Variants in ADGRB3 observed in about 807,000 individuals in gnomAD.
The protein encoded by ADGRB3 is adhesion G protein-coupled receptor B3, also known as brain-specific angiogenesis inhibitor 3.
ADGRB3 carries 37 observed loss-of-function variants against 193.4 expected under a neutral mutation model. The ratio of observed to expected loss-of-function variants is 0.19; its 90% CI spans 0.15 to 0.25. The LOEUF is 0.25. Among genes scored for constraint, ADGRB3 ranks in the 10% least tolerant of loss-of-function variants. ADGRB3 has a pLI of 1.00. For synonymous variants in ADGRB3, 690 were observed against 644.2 expected (o/e 1.07, Z -1.08); for missense variants, 1,637 against 1,852.9 (o/e 0.88, Z 2.14).
chr6:68,888,238 A>C (rs1022769940), intron 3 of ADGRB3, among the ~76,000 whole-genome samples: 2 of 152,140 alleles, frequency 1.3e-5, no homozygotes, highest in African/African-American at 2.4e-5. Flanking sequence ...CACCATTCCC[A>C]AATGTCTACA....
intron 26 of ADGRB3, among the ~76,000 whole-genome samples, chr6:69,348,684 G>A (rs1315224595): frequency 6.6e-6 from 1 of 151,748 alleles, no homozygotes; most frequent in Non-Finnish European, 1.5e-5. Context: ...AGAAGAGTAG[G>A]TGGACACAGA....
intron 17 of ADGRB3, among the ~76,000 whole-genome samples, chr6:69,086,746 G>C (rs151245935): frequency 3.3e-5 from 5 of 152,098 alleles, no homozygotes; most frequent in Non-Finnish European, 7.4e-5. Context: ...ATTGGTTATT[G>C]ATTAGACATA....
In ADGRB3 at chr6:69,360,948, A is replaced by T. The variant is rs772061408; in HGVS notation, c.3675A>T (p.Glu1225Asp). 1.6e-5 allele frequency: 25 copies of T among 1,612,446 alleles called. No homozygotes were observed. In the African/African-American group the frequency reaches 3.3e-4, roughly 22 times the overall value. The change falls in exon 29 of 32, where the codon GAA becomes GAT. Residue 1225 changes from glutamate to aspartate, a missense_variant. Physicochemically the swap from Glu to Asp is conservative, Grantham distance 45 (BLOSUM62 2). Transcript: ENST00000370598. The part of the protein sequence containing the change: ...TLSRISLNDD[E>D]EEKGTNPEGL... ...CTAGGATTTCTCTAAATGATGATGA[A>T]GAAGAAAAGGGAACAAACCCTGAAG...
chr6:69,256,859 T>C (rs942072628), intron 20 of ADGRB3, among the ~76,000 whole-genome samples: 1 of 152,228 alleles, frequency 6.6e-6, no homozygotes, highest in African/African-American at 2.4e-5. Context: ...ATAGCTGTTA[T>C]TATTTTGAGA....
chr6:69,307,518 C>A (rs1388663657), intron 20 of ADGRB3, among the ~76,000 whole-genome samples: 1 of 151,556 alleles, frequency 6.6e-6, no homozygotes, highest in East Asian at 1.9e-4. Context: ...ATAAGCATAG[C>A]TCCTATATTT....
At chr6:68,914,405 A>G (rs962100088) in intron 3 of ADGRB3, among the ~76,000 whole-genome samples, 1 of 152,152 alleles carries the variant, frequency 6.6e-6, no homozygotes, top group African/African-American at 2.4e-5. Context: ...TCTTAAAGAA[A>G]AGAATTTTCA....
intron 3 of ADGRB3, among the ~76,000 whole-genome samples, chr6:68,692,951 T>A (rs1375294239): frequency 6.6e-6 from 1 of 151,136 alleles, no homozygotes; most frequent in Admixed American, 6.6e-5. Flanking sequence ...TATGGTATTG[T>A]AACTATTATG....
At position 68,890,923 on chromosome 6, in the gene ADGRB3, G is replaced by A. The variant is rs114832838; in HGVS notation, c.758-39636G>A. On this transcript the variant is annotated intron_variant, in intron 3 of 31. Transcript: ENST00000370598. Reference sequence around the variant, plus strand: ...TAACTTGAGGATGGAAATGCATGGGGCAGCTTTTTGGAATAGCAAATGAAC... The same window carrying A: ...TAACTTGAGGATGGAAATGCATGGGACAGCTTTTTGGAATAGCAAATGAAC... Among the ~76,000 whole-genome samples the A allele has an allele frequency of 2.9e-3, 439 of 152,302 alleles. 4 individuals carry two copies. Among genetic ancestry groups the A allele is most frequent in the African/African-American group, 9.1e-3 (377 of 41,576 alleles).
At chr6:68,844,953 T>C (rs1366912649) in intron 3 of ADGRB3, among the ~76,000 whole-genome samples, 1 of 152,060 alleles carries the variant, frequency 6.6e-6, no homozygotes, top group Non-Finnish European at 1.5e-5. Context: ...AGTAGAATTA[T>C]GGTTACCAGA....
intron 20 of ADGRB3, among the ~76,000 whole-genome samples, chr6:69,315,556 G>T (rs1768292947): frequency 6.6e-6 from 1 of 151,282 alleles, no homozygotes; most frequent in South Asian, 2.1e-4. Context: ...AAGAACTGTG[G>T]TCTTCTGAAT....
chr6:69,178,379 G>A (rs1007456565), intron 17 of ADGRB3, among the ~76,000 whole-genome samples: 1 of 151,950 alleles, frequency 6.6e-6, no homozygotes, highest in African/African-American at 2.4e-5. Context: ...ATGGTTCTTG[G>A]TTTTTTTGTT....
At chr6:69,230,750 C>G (rs1472074513) in intron 17 of ADGRB3, among the ~76,000 whole-genome samples, 8 of 152,082 alleles carry the variant, frequency 5.3e-5, no homozygotes, top group Non-Finnish European at 1.2e-4. Context: ...TGGTGGTTAC[C>G]CACCCCCCTC....
intron 3 of ADGRB3, among the ~76,000 whole-genome samples, chr6:68,749,408 ATGTGTGTGTGTGTGTGTG>A (rs60078030): frequency 7.3e-6 from 1 of 136,490 alleles, no homozygotes. Flanking sequence ...ATATATATAT[ATGTGTGTGTGTGTGTGTG>A]TGTGTGTGTG....
chr6:69,238,807 T>G (rs1435137626), intron 19 of ADGRB3, among the ~76,000 whole-genome samples: 1 of 151,784 alleles, frequency 6.6e-6, no homozygotes, highest in African/African-American at 2.4e-5. Context: ...CCAAGAAGCT[T>G]TATATGTTTA....
At chr6:68,953,372 AT>A (rs1767985091) in intron 6 of ADGRB3, among the ~76,000 whole-genome samples, 1 of 152,182 alleles carries the variant, frequency 6.6e-6, no homozygotes, top group Non-Finnish European at 1.5e-5. Flanking sequence ...GTTCTCAATA[AT>A]GTGGATAACT....
intron 3 of ADGRB3, among the ~76,000 whole-genome samples, chr6:68,807,363 C>CT (rs1767425430): frequency 1.3e-5 from 2 of 151,378 alleles, no homozygotes. Flanking sequence ...CTCAGCCTCC[C>CT]GAGTAGCTGG....
At chr6:68,731,249 A>C (rs1346042693) in intron 3 of ADGRB3, among the ~76,000 whole-genome samples, 1 of 151,590 alleles carries the variant, frequency 6.6e-6, no homozygotes, top group Non-Finnish European at 1.5e-5. Context: ...AGATATCTTA[A>C]TCCTCGTGTT....
rs1410934996 is a variant in ADGRB3, at chr6:69,220,628, A to G, written c.2481-12662A>G. On this transcript the variant is annotated intron_variant, in intron 17 of 31. Transcript: ENST00000370598. ...CATTCTCTGAGCTCAACAGATTGAG[A>G]TCCACTCAGGAGACACACAGTTGAG... 1.4e-4 allele frequency among the ~76,000 whole-genome samples: 21 copies of G among 152,216 alleles called. No homozygotes were observed. In the East Asian group the frequency reaches 3.9e-3, roughly 28 times the overall value.
intron 3 of ADGRB3, among the ~76,000 whole-genome samples, chr6:68,918,232 G>T (rs987011912): frequency 2.0e-5 from 3 of 152,056 alleles, no homozygotes; most frequent in African/African-American, 7.2e-5. Flanking sequence ...TGGGATGTTG[G>T]GGGAAGAAAA....
Sources: gnomAD v4.1 joint callset for allele counts (sites outside exome capture counted in the v4.1 genomes callset) on GRCh38, gnomAD v4.1.1 for gene constraint, MANE v1.5 for transcripts, NCBI Gene and HGNC (gene_info 2026-07-23, HGNC 2026-07-21) for gene names.